The following MTUS2 variants were observed in gnomAD, a reference collection of about 807,000 sequenced individuals.
The protein encoded by MTUS2 is microtubule-associated tumor suppressor candidate 2.
MTUS2 carries 40 observed loss-of-function variants against 114.1 expected under a neutral mutation model. That is an observed-to-expected ratio of 0.35 (90% CI 0.27 to 0.46). MTUS2 has a LOEUF of 0.46. MTUS2 is among the 20% of genes least tolerant of loss of function. The pLI, the probability that MTUS2 is intolerant of heterozygous loss-of-function variation, is 1.00. For missense variants in MTUS2, 1,679 were observed against 1,705.4 expected (o/e 0.98, Z 0.27); for synonymous variants, 688 against 672.0 (o/e 1.02, Z -0.37).
chr13:29,490,003 A>G (rs1236958703), intron 11 of MTUS2: 1 of 152,174 alleles, frequency 6.6e-6, no homozygotes, highest in Non-Finnish European at 1.5e-5. Context: ...TTTTCTGACT[A>G]ACGAAGTCTC....
chr13:29,341,511 T>G (rs1749840082), intron 7 of MTUS2, among the ~76,000 whole-genome samples: 1 of 152,186 alleles, frequency 6.6e-6, no homozygotes, highest in African/African-American at 2.4e-5. Flanking sequence ...CTTGCTGATT[T>G]GTTTGAGTTT....
chr13:28,996,910 T>C (rs1235955521), intron 2 of MTUS2, among the ~76,000 whole-genome samples: 1 of 152,218 alleles, frequency 6.6e-6, no homozygotes, highest in African/African-American at 2.4e-5. Context: ...TCAGTTCTGC[T>C]CTGATCTTAG....
chr13:28,990,816 C>G (rs888919642), intron 2 of MTUS2, among the ~76,000 whole-genome samples: 7 of 151,556 alleles, frequency 4.6e-5, no homozygotes, highest in African/African-American at 1.7e-4. Context: ...CTGCTGCTCA[C>G]TGTTTGGGTC....
At chr13:29,459,436 T>C (rs1048336019) in intron 9 of MTUS2, among the ~76,000 whole-genome samples, 2 of 152,200 alleles carry the variant, frequency 1.3e-5, no homozygotes, top group East Asian at 3.9e-4. Context: ...GTTATTATTA[T>C]AGTGACTTAG....
intron 5 of MTUS2, among the ~76,000 whole-genome samples, chr13:29,212,329 A>T (rs1895477040): frequency 6.6e-6 from 1 of 152,040 alleles, no homozygotes; most frequent in Non-Finnish European, 1.5e-5. Context: ...TTAAAAAAAA[A>T]CCCTATTCCT....
intron 2 of MTUS2, among the ~76,000 whole-genome samples, chr13:28,986,759 T>C (rs1884605015): frequency 6.6e-6 from 1 of 152,184 alleles, no homozygotes; most frequent in Admixed American, 6.5e-5. Flanking sequence ...TGTTCATCAC[T>C]CCAGAGCTGT....
chr13:29,350,195 C>T (rs1869105815), intron 7 of MTUS2, among the ~76,000 whole-genome samples: 1 of 151,908 alleles, frequency 6.6e-6, no homozygotes, highest in Non-Finnish European at 1.5e-5. Flanking sequence ...CCAGAAGTGG[C>T]TTAACTTGAA....
At chr13:28,866,820 T>A (rs1022391939) in intron 2 of MTUS2, among the ~76,000 whole-genome samples, 9 of 152,144 alleles carry the variant, frequency 5.9e-5, no homozygotes, top group Non-Finnish European at 5.9e-5. Context: ...ATGTCTACCA[T>A]ACCTGCATTT....
At chr13:29,126,619 GA>G (rs1891527226) in intron 5 of MTUS2, among the ~76,000 whole-genome samples, 1 of 149,734 alleles carries the variant, frequency 6.7e-6, no homozygotes, top group South Asian at 2.2e-4. Flanking sequence ...AACCTTATGA[GA>G]TTTTTTTGTG....
chr13:29,501,066 T>C (rs1882868296), intron 14 of MTUS2, 31 bp from the exon 15 acceptor site: 3 of 1,595,820 alleles, frequency 1.9e-6, no homozygotes, highest in Non-Finnish European at 2.6e-6. Context: ...ATGGCCTTGC[T>C]AGAACCTCTT....
At chr13:28,894,289 G>GGGGA (rs1566203550) in intron 2 of MTUS2, among the ~76,000 whole-genome samples, 2 of 11,810 alleles carry the variant, frequency 1.7e-4, no homozygotes, top group Non-Finnish European at 1.9e-4. Context: ...TGGGGGGGGG[G>GGGGA]GAGAGAGAGA....
At chr13:29,383,013 G>A (rs1872331469) in intron 8 of MTUS2, among the ~76,000 whole-genome samples, 2 of 152,118 alleles carry the variant, frequency 1.3e-5, no homozygotes, top group South Asian at 2.1e-4. Context: ...GGGACGCAGC[G>A]AGGTTGTAGA....
At chr13:28,976,429 C>T (rs987497910) in intron 2 of MTUS2, among the ~76,000 whole-genome samples, 1 of 151,994 alleles carries the variant, frequency 6.6e-6, no homozygotes, top group Non-Finnish European at 1.5e-5. Context: ...TGGCTTTCAT[C>T]GAGTAAGTAG....
At chr13:28,836,510 G>A (rs547367941) in intron 1 of MTUS2, among the ~76,000 whole-genome samples, 37 of 152,296 alleles carry the variant, frequency 2.4e-4, no homozygotes, top group African/African-American at 8.4e-4. Flanking sequence ...AGGGTCAGTC[G>A]TATGAATACT....
intron 5 of MTUS2, among the ~76,000 whole-genome samples, chr13:29,120,346 C>T (rs1891256763): frequency 6.6e-6 from 1 of 152,016 alleles, no homozygotes; most frequent in Non-Finnish European, 1.5e-5. Flanking sequence ...AATGCTCCTT[C>T]ATTCTTGTTG....
intron 8 of MTUS2, among the ~76,000 whole-genome samples, chr13:29,393,531 C>T (rs12583304): frequency 0.1 from 15,363 of 152,234 alleles, 841 homozygotes; most frequent in Middle Eastern, 0.19. Flanking sequence ...CCTTCCCTTC[C>T]CCTGCAGTCA....
rs1219410632 is a variant in MTUS2, at chr13:29,120,789, T to C, written c.2644+19819T>C. Among the ~76,000 whole-genome samples, 3 of 152,316 alleles carry C rather than the reference T, an allele frequency of 2.0e-5. No homozygotes were observed. The East Asian group carries it at 5.8e-4, about 29-fold the overall frequency. ...TCCCTCTATTATTGAATTCAGTTCA[T>C]TCTTGCAGTGGAGATCAAAGTCAGG... On this transcript the variant is annotated intron_variant, in intron 5 of 15. Transcript: ENST00000612955.
chr13:29,334,219 T>G (rs1326980363), intron 7 of MTUS2, among the ~76,000 whole-genome samples: 1 of 152,176 alleles, frequency 6.6e-6, no homozygotes, highest in African/African-American at 2.4e-5. Flanking sequence ...AAGGTTAATA[T>G]TATTATGTGT....
intron 5 of MTUS2, among the ~76,000 whole-genome samples, chr13:29,173,696 C>CGT (rs879418525): frequency 4.6e-5 from 7 of 152,032 alleles, no homozygotes; most frequent in Admixed American, 3.9e-4. Flanking sequence ...TTATTTGAAC[C>CGT]CTTCTGAGAA....
Sources: allele counts gnomAD v4.1 joint callset (sites outside exome capture counted in the v4.1 genomes callset), GRCh38; gene constraint gnomAD v4.1.1; transcripts MANE v1.5; gene names NCBI Gene and HGNC (gene_info 2026-07-23, HGNC 2026-07-21).